PDE10A: variants seen among roughly 807,000 people sequenced by gnomAD.
PDE10A encodes phosphodiesterase 10A.
PDE10A carries 39 observed loss-of-function variants against 97.7 expected under a neutral mutation model. The observed-to-expected ratio is 0.40, with a 90% CI of 0.31 to 0.52. PDE10A has a LOEUF of 0.52. Ranked by LOEUF, PDE10A falls within the 20% of genes least tolerant of loss-of-function variation. The pLI, the probability that PDE10A is intolerant of heterozygous loss-of-function variation, is 0.56. For synonymous variants in PDE10A, 371 were observed against 376.8 expected (o/e 0.98, Z 0.18); for missense variants, 731 against 1,047.8 (o/e 0.70, Z 4.17).
intron 1 of PDE10A, among the ~76,000 whole-genome samples, chr6:165,840,322 A>G (rs1187631652): frequency 6.6e-6 from 1 of 152,130 alleles, no homozygotes; most frequent in African/African-American, 2.4e-5. Flanking sequence ...TCTTGAGCTT[A>G]GAAACTACCT....
intron 1 of PDE10A, among the ~76,000 whole-genome samples, chr6:165,800,887 A>G (rs1778967530): frequency 6.6e-6 from 1 of 152,218 alleles, no homozygotes; most frequent in South Asian, 2.1e-4. Context: ...TCTTACGGTA[A>G]TAAGGAGGCC....
intron 2 of PDE10A, among the ~76,000 whole-genome samples, chr6:165,512,638 G>A (rs142392750): frequency 3.9e-5 from 6 of 152,094 alleles, no homozygotes; most frequent in African/African-American, 1.2e-4. Flanking sequence ...ACTGAATAAT[G>A]CTGCTATGAA....
intron 19 of PDE10A, 38 bp downstream of exon 19, chr6:165,343,353 C>T (rs1782096668): frequency 1.5e-6 from 2 of 1,332,032 alleles, no homozygotes; most frequent in African/African-American, 2.9e-5. Context: ...TTTTATTTCT[C>T]CTCACTATCT....
At chr6:165,631,449 G>A (rs1208303594) in intron 1 of PDE10A, among the ~76,000 whole-genome samples, 1 of 152,080 alleles carries the variant, frequency 6.6e-6, no homozygotes, top group Non-Finnish European at 1.5e-5. Context: ...TAGAGGTGGG[G>A]GCATCAAGAT....
At chr6:165,638,854 T>C (rs562341699) in intron 1 of PDE10A, among the ~76,000 whole-genome samples, 151 of 152,314 alleles carry the variant, frequency 9.9e-4, no homozygotes, top group Non-Finnish European at 1.8e-3. Flanking sequence ...TTTAAGAACC[T>C]AGAACACACA....
At chr6:165,788,556 GAAAA>G (rs1157373494) in intron 1 of PDE10A, among the ~76,000 whole-genome samples, 1 of 114,072 alleles carries the variant, frequency 8.8e-6, no homozygotes, top group Non-Finnish European at 1.9e-5. Flanking sequence ...AAAAGAAAAA[GAAAA>G]AAAAAAGAGT....
Position 165,711,712 on chromosome 6 carries a change from C to T in PDE10A, c.-614-168144G>A, listed in dbSNP as rs1335788606. Among the ~76,000 whole-genome samples, 1 of 152,202 alleles carries T rather than the reference C, an allele frequency of 6.6e-6. No individual in the cohort carries two copies. Among genetic ancestry groups the T allele is most frequent in the Non-Finnish European group, 1.5e-5 (1 of 68,044 alleles). On this transcript the variant is annotated intron_variant, in intron 1 of 19. Coordinates refer to the PDE10A transcript ENST00000366882. The surrounding 1 kb of genome is among the most constrained non-coding windows in gnomAD (Gnocchi z 4.5). ...CCTGCTGAGCTACGTTCAGCTCAGG[C>T]ACAAGCCTGTTCAGAACAACCCAGG...
At chr6:165,858,054 G>C (rs2128476147) in intron 1 of PDE10A, among the ~76,000 whole-genome samples, 1 of 152,284 alleles carries the variant, frequency 6.6e-6, no homozygotes, top group South Asian at 2.1e-4. Context: ...TTAGTTATCA[G>C]CATTTTGCTC....
chr6:165,330,325 G>GA lies in PDE10A; in HGVS notation c.*2699dup, dbSNP rs1315899555. On this transcript the variant is annotated 3_prime_UTR_variant, in exon 22 of 22. Coordinates refer to ENST00000539869, the MANE Select transcript of PDE10A (RefSeq NM_001385079.1). ...TTCTGGTGTCACACTGTTCTTTTAA[G>GA]AAAAGATCTGGGAACAAGACAAGAA... 14 of 152,102 alleles carry GA rather than the reference G, an allele frequency of 9.2e-5. No individual in the cohort carries two copies. Among genetic ancestry groups the GA allele is most frequent in the Admixed American group, 6.5e-5 (1 of 15,270 alleles). 9.4% of individuals were successfully genotyped at this position (152,102 alleles called of 1,614,324 possible).
intron 1 of PDE10A, among the ~76,000 whole-genome samples, chr6:165,654,550 C>G (rs553933918): frequency 6.9e-6 from 1 of 144,046 alleles, no homozygotes; most frequent in African/African-American, 3.0e-5. Context: ...AGCCATCTCA[C>G]GTCCCCACAT....
At chr6:165,963,020 A>G (rs544927720) in intron 1 of PDE10A, among the ~76,000 whole-genome samples, 2 of 152,386 alleles carry the variant, frequency 1.3e-5, no homozygotes, top group South Asian at 4.1e-4. Flanking sequence ...AGCCAATCTT[A>G]CAAAAACATC....
chr6:165,742,460 C>T (rs377284544), intron 1 of PDE10A, among the ~76,000 whole-genome samples: 1 of 152,050 alleles, frequency 6.6e-6, no homozygotes, highest in Non-Finnish European at 1.5e-5. Flanking sequence ...GGAGTCATCC[C>T]GAGTCCCACC....
At chr6:165,564,288 T>C (rs964750535) in intron 1 of PDE10A, among the ~76,000 whole-genome samples, 2 of 152,188 alleles carry the variant, frequency 1.3e-5, no homozygotes, top group South Asian at 2.1e-4. Context: ...TAAGAAAAGA[T>C]TGGGGGTTGA....
chr6:165,966,819 T>C (rs1204286011), intron 1 of PDE10A, among the ~76,000 whole-genome samples: 1 of 152,148 alleles, frequency 6.6e-6, no homozygotes, highest in East Asian at 1.9e-4. Context: ...TATTCTGATT[T>C]TATGCCAAAA....
intron 1 of PDE10A, among the ~76,000 whole-genome samples, chr6:165,617,773 A>G (rs1787796389): frequency 6.6e-6 from 1 of 152,156 alleles, no homozygotes; most frequent in Admixed American, 6.5e-5. Flanking sequence ...ATCACACACA[A>G]CATCAATCAT....
intron 1 of PDE10A, among the ~76,000 whole-genome samples, chr6:165,724,293 G>A (rs1228525197): frequency 6.6e-6 from 1 of 151,896 alleles, no homozygotes; most frequent in South Asian, 2.1e-4. Flanking sequence ...TATAACATGA[G>A]GTCATCAAAT....
chr6:165,546,930 A>C (rs1783770319), intron 1 of PDE10A, among the ~76,000 whole-genome samples: 1 of 152,136 alleles, frequency 6.6e-6, no homozygotes, highest in African/African-American at 2.4e-5. Flanking sequence ...AGAAGCAACA[A>C]TATCCCGGTA....
chr6:165,891,265 C>T (rs1781785660), intron 1 of PDE10A, among the ~76,000 whole-genome samples: 1 of 152,188 alleles, frequency 6.6e-6, no homozygotes. Flanking sequence ...GATTTGCTGG[C>T]TCATGTAATG....
chr6:165,839,240 A>G (rs1780148526), intron 1 of PDE10A, among the ~76,000 whole-genome samples: 1 of 152,208 alleles, frequency 6.6e-6, no homozygotes, highest in Admixed American at 6.5e-5. Context: ...CGCTTTAAAT[A>G]GTGTCTTTCA....
Sources: allele counts gnomAD v4.1 joint callset (sites outside exome capture counted in the v4.1 genomes callset), GRCh38; gene constraint gnomAD v4.1.1; non-coding constraint Gnocchi (gnomAD v3.1); transcripts MANE v1.5; gene names NCBI Gene and HGNC (gene_info 2026-07-23, HGNC 2026-07-21).